ZEB1: variants seen among roughly 807,000 people sequenced by gnomAD.
ZEB1 encodes the protein zinc finger E-box-binding homeobox 1.
ZEB1 carries 21 observed loss-of-function variants against 84.9 expected under a neutral mutation model. The observed-to-expected ratio is 0.25, with a 90% confidence interval of 0.18 to 0.36. ZEB1 has a LOEUF of 0.36. Among genes scored for constraint, ZEB1 ranks in the 10% least tolerant of loss-of-function variants. ZEB1 has a pLI of 1.00. For synonymous variants in ZEB1, 420 were observed against 471.1 expected, an observed-to-expected ratio of 0.89 and a Z score of 1.41; for missense variants, 1,104 against 1,330.2, an observed-to-expected ratio of 0.83 and a Z score of 2.65.
At chr10:31,516,805 C>T (rs375121407) in intron 6 of ZEB1, among the ~76,000 whole-genome samples, 2 of 151,886 alleles carry the variant, frequency 1.3e-5, no homozygotes, top group Admixed American at 1.3e-4. Context: ...AAAAGCATTG[C>T]TCCAGGGTGG....
chr10:31,452,370 C>T (rs111372237), intron 1 of ZEB1, among the ~76,000 whole-genome samples: 61 of 152,002 alleles, frequency 4.0e-4, no homozygotes, highest in African/African-American at 1.4e-3. Context: ...ATTATCAGTT[C>T]GGTCAAAAGT....
chr10:31,427,784 A>G (rs1378434180), intron 1 of ZEB1, among the ~76,000 whole-genome samples: 2 of 151,498 alleles, frequency 1.3e-5, no homozygotes, highest in East Asian at 2.0e-4. Flanking sequence ...GCATGAACCC[A>G]GGAGGTGGAG....
At chr10:31,518,002 T>TA (rs2071482593) in intron 6 of ZEB1, among the ~76,000 whole-genome samples, 1 of 152,152 alleles carries the variant, frequency 6.6e-6, no homozygotes, top group African/African-American at 2.4e-5. Flanking sequence ...GTCATTCCCT[T>TA]ACGTACCATT....
At chr10:31,449,672 C>G (rs993341088) in intron 1 of ZEB1, among the ~76,000 whole-genome samples, 12 of 152,104 alleles carry the variant, frequency 7.9e-5, no homozygotes, top group Admixed American at 7.2e-4. Context: ...TGTAATAGTA[C>G]AAATCTATTT....
chr10:31,459,830 A>AGTGTGTGT (rs3086581), intron 1 of ZEB1, among the ~76,000 whole-genome samples: 137 of 129,902 alleles, frequency 1.1e-3, no homozygotes, highest in East Asian at 2.0e-3. Context: ...TGTTCTCAGG[A>AGTGTGTGT]GTGTGTGTGT....
At chr10:31,412,557 G>T (rs895547512) in intron 1 of ZEB1, among the ~76,000 whole-genome samples, 1 of 152,118 alleles carries the variant, frequency 6.6e-6, no homozygotes, top group African/African-American at 2.4e-5. Context: ...ATGGTGTCCA[G>T]CTTCATCCAT....
intron 1 of ZEB1, among the ~76,000 whole-genome samples, chr10:31,459,758 T>C (rs2061611381): frequency 6.6e-6 from 1 of 151,702 alleles, no homozygotes; most frequent in Non-Finnish European, 1.5e-5. Flanking sequence ...GTTTTGGAGT[T>C]TTGGTTATTT....
At chr10:31,461,520 T>A (rs531590043) in intron 2 of ZEB1, among the ~76,000 whole-genome samples, 2 of 152,228 alleles carry the variant, frequency 1.3e-5, no homozygotes, top group South Asian at 4.1e-4. Flanking sequence ...TACCTTTAAT[T>A]TTTTATTGTA....
intron 1 of ZEB1, among the ~76,000 whole-genome samples, chr10:31,399,929 G>T (rs1488684156): frequency 6.6e-6 from 1 of 152,010 alleles, no homozygotes; most frequent in Non-Finnish European, 1.5e-5. Context: ...CCTTTGCACT[G>T]GTTGTTCTCT....
chr10:31,359,751 C>A (rs1468558253), intron 1 of ZEB1, among the ~76,000 whole-genome samples: 6 of 152,110 alleles, frequency 3.9e-5, no homozygotes. Context: ...TTCATAGCAT[C>A]ATTGGACATT....
intron 1 of ZEB1, among the ~76,000 whole-genome samples, chr10:31,420,677 A>G (rs1591077773): frequency 2.0e-5 from 3 of 152,166 alleles, no homozygotes; most frequent in Admixed American, 6.5e-5. Flanking sequence ...CACAACAGTA[A>G]TATTCCATCA....
At chr10:31,454,485 G>A (rs920044291) in intron 1 of ZEB1, among the ~76,000 whole-genome samples, 6 of 152,154 alleles carry the variant, frequency 3.9e-5, no homozygotes, top group Non-Finnish European at 8.8e-5. Context: ...GATTGTCTCT[G>A]TTTGCAGATG....
chr10:31,514,743 C>A, intron 6 of ZEB1, 35 bp downstream of exon 6: 1 of 1,456,872 alleles, frequency 6.9e-7, no homozygotes, highest in South Asian at 1.1e-5. Flanking sequence ...CCCTGAATAT[C>A]ATAGCATATG....
At chr10:31,397,192 ATTATTATTATAC>A (rs2050946176) in intron 1 of ZEB1, among the ~76,000 whole-genome samples, 1 of 144,134 alleles carries the variant, frequency 6.9e-6, no homozygotes, top group Non-Finnish European at 1.5e-5. Context: ...TATTATTATT[ATTATTATTATAC>A]TTTAAGTTCT....
At chr10:31,319,715 C>T (rs1471069801) in intron 1 of ZEB1, 18 of 169,948 alleles carry the variant, frequency 1.1e-4, no homozygotes, top group Non-Finnish European at 1.7e-4. Context: ...CTCTCCCCCT[C>T]CTCCTGGCCC....
rs1377075125 is a variant in ZEB1, at chr10:31,521,759, T to A, written c.2427T>A (p.Thr809=). 1.9e-6 allele frequency: 3 copies of A among 1,614,118 alleles called. No individual in the cohort carries two copies. The Admixed American group carries it at 5.0e-5, about 27-fold the overall frequency. Residue 809 remains threonine, a synonymous_variant, in exon 7 of 9, where the codon ACT becomes ACA. Transcript: ENST00000424869. Reference sequence around the variant, plus strand: ...TAAATATCGCTATACCTACAGTCACTGCCCAGTTACCCACAATCGTGGCCA... The same window carrying A: ...TAAATATCGCTATACCTACAGTCACAGCCCAGTTACCCACAATCGTGGCCA... ...NPINIAIPTV[T]AQLPTIVAIA...
chr10:31,320,859 G>GC (rs1026569443), intron 1 of ZEB1, among the ~76,000 whole-genome samples: 1 of 152,166 alleles, frequency 6.6e-6, no homozygotes, highest in Non-Finnish European at 1.5e-5. Context: ...AGGGAGAGCA[G>GC]CCCCCGCCTG....
intron 1 of ZEB1, among the ~76,000 whole-genome samples, chr10:31,454,826 G>A (rs941391123): frequency 6.6e-6 from 1 of 152,112 alleles, no homozygotes; most frequent in Non-Finnish European, 1.5e-5. Context: ...TAGTGAAAAT[G>A]GCCATACTGC....
chr10:31,362,257 C>T (rs150061936), intron 1 of ZEB1, among the ~76,000 whole-genome samples: 3,847 of 142,896 alleles, frequency 0.027, 74 homozygotes, highest in Middle Eastern at 0.044. Context: ...CAGGCAGAGG[C>T]GGCGCTCCTC....
Sources: gnomAD v4.1 joint callset for allele counts (sites outside exome capture counted in the v4.1 genomes callset) on GRCh38, gnomAD v4.1.1 for gene constraint, MANE v1.5 for transcripts, NCBI Gene and HGNC (gene_info 2026-07-23, HGNC 2026-07-21) for gene names.